Variants in CC2D2A observed in about 807,000 individuals in gnomAD.
The protein encoded by CC2D2A is coiled-coil and C2 domain-containing protein 2A.
Under a neutral mutation model 212.9 loss-of-function variants are expected in CC2D2A, and 155 were observed. The observed-to-expected ratio is 0.73, with a 90% CI of 0.64 to 0.83. The LOEUF (loss-of-function observed/expected upper bound fraction) is 0.83, where lower values mean the gene tolerates loss of function less well. CC2D2A is among the 40% of genes least tolerant of loss of function. CC2D2A has a pLI of 0.00. For synonymous variants in CC2D2A, 667 were observed against 686.5 expected, an observed-to-expected ratio of 0.97 and a Z score of 0.44; for missense variants, 1,856 against 1,956.2, an observed-to-expected ratio of 0.95 and a Z score of 0.97.
At chr4:15,543,865 T>G (rs1718581242) in intron 17 of CC2D2A, 1 of 152,236 alleles carries the variant, frequency 6.6e-6, no homozygotes, top group African/African-American at 2.4e-5. Flanking sequence ...GATGTACAAT[T>G]ATTTGAGCCA....
chr4:15,550,737 C>A (rs1718953326), intron 17 of CC2D2A, 87 bp from the exon 18 acceptor site: 3 of 1,009,768 alleles, frequency 3.0e-6, no homozygotes, highest in Non-Finnish European at 4.2e-6. Context: ...GTGACCAGCA[C>A]AAATACTAAC....
intron 31 of CC2D2A, 40 bp from the exon 32 acceptor site, chr4:15,587,776 C>A: frequency 9.5e-7 from 1 of 1,049,154 alleles, no homozygotes; most frequent in Non-Finnish European, 1.5e-6. Context: ...CAGAATAAAG[C>A]ATTGAGTCAT....
chr4:15,551,701 C>T (rs1414264004), intron 18 of CC2D2A, among the ~76,000 whole-genome samples: 1 of 152,132 alleles, frequency 6.6e-6, no homozygotes, highest in Non-Finnish European at 1.5e-5. Context: ...TTCTTTTATA[C>T]ATTCATTCAT....
At chr4:15,598,244 G>A (rs191041085) in intron 35 of CC2D2A, among the ~76,000 whole-genome samples, 4 of 152,054 alleles carry the variant, frequency 2.6e-5, no homozygotes, top group Admixed American at 1.3e-4. Context: ...CCATACTTTC[G>A]TGCGCAGACC....
Position 15,480,794 on chromosome 4 carries a change from C to T in CC2D2A, c.214C>T (p.Leu72Phe), listed in dbSNP as rs776118002. 1 of 1,613,540 alleles carries T rather than the reference C, an allele frequency of 6.2e-7. No individual in the cohort carries two copies. The highest frequency in any genetic ancestry group is 8.5e-7 in the Non-Finnish European group (1 of 1,179,710). The part of the protein sequence containing the change: ...EPVQEEPKTR[L>F]LSMTVRRGPR... The stretch of plus-strand genomic sequence containing the variant: ...TGTGCAGGAGGAGCCCAAGACCCGC[C>T]TCCTGAGTATGACAGTCCGGAGAGG... Residue 72 changes from leucine (L) to phenylalanine (F), a missense_variant, in exon 4 of 37, where the codon CTC (leucine) becomes TTC (phenylalanine). Coordinates refer to ENST00000424120, the MANE Select transcript of CC2D2A (RefSeq NM_001378615.1).
In CC2D2A at chr4:15,502,911, A is replaced by G; in HGVS notation, c.426A>G (p.Glu142=). The G allele has an allele frequency of 6.2e-7, 1 of 1,608,776 alleles. No individual in the cohort carries two copies. The highest frequency in any genetic ancestry group is 8.5e-7 in the Non-Finnish European group (1 of 1,177,910). Reference sequence around the variant, plus strand: ...CCAGTAAGAAAGAATTGGAGACTGAATTTGGCACAGAGGTGAGAAATACCC... The same window carrying G: ...CCAGTAAGAAAGAATTGGAGACTGAGTTTGGCACAGAGGTGAGAAATACCC... ...RSPSKKELET[E]FGTEPGKEVE... is the part of the protein sequence containing the mutation. Residue 142 remains glutamate, a synonymous_variant, in exon 6 of 37, where the codon GAA becomes GAG. Transcript: ENST00000424120.
At chr4:15,532,823 A>G (rs1169257252) in intron 13 of CC2D2A, among the ~76,000 whole-genome samples, 1 of 152,248 alleles carries the variant, frequency 6.6e-6, no homozygotes. Context: ...ACACAGGAAG[A>G]CTTTACATGT....
At chr4:15,568,811 T>C (rs1302240450) in intron 26 of CC2D2A, among the ~76,000 whole-genome samples, 1 of 152,218 alleles carries the variant, frequency 6.6e-6, no homozygotes, top group African/African-American at 2.4e-5. Context: ...TGTATTGCTT[T>C]ACTTATATAC....
Position 15,559,268 on chromosome 4 carries a change from T to A in CC2D2A, c.2922+11T>A, listed in dbSNP as rs1719445256. The A allele has an allele frequency of 2.5e-5, 38 of 1,521,936 alleles. No individual in the cohort carries two copies. The highest frequency in any genetic ancestry group is 3.3e-5 in the Non-Finnish European group (37 of 1,120,760). 94.3% of individuals were successfully genotyped at this position (1,521,936 alleles called of 1,614,324 possible). On this transcript the variant is annotated intron_variant, in intron 22 of 36. Transcript: ENST00000424120. ...AAGTACCTCCAGCAGGTAAGAAAAA[T>A]CATATAAAACTGTCTTCATAGGGAG...
At position 15,601,497 on chromosome 4, in the gene CC2D2A, A is replaced by G. The variant is rs1299581028; in HGVS notation, c.*72A>G. The G allele has an allele frequency of 1.1e-6, 1 of 882,614 alleles. No individual in the cohort carries two copies. The highest frequency in any genetic ancestry group is 1.7e-6 in the Non-Finnish European group (1 of 603,448). 54.7% of individuals were successfully genotyped at this position (882,614 alleles called of 1,614,324 possible). On this transcript the variant is annotated 3_prime_UTR_variant, in exon 37 of 37. Transcript: ENST00000424120. ...TATGAGAAAATTTTAAATTATATGC[A>G]TCACATCAGAAGAACATATTATTGG...
chr4:15,556,687 C>A (rs1428548355), intron 20 of CC2D2A, among the ~76,000 whole-genome samples: 1 of 152,184 alleles, frequency 6.6e-6, no homozygotes, highest in East Asian at 1.9e-4. Context: ...GAGAGGCAGG[C>A]AGCACCTGGG....
chr4:15,511,447 G>T, intron 8 of CC2D2A, 24 bp downstream of exon 8: 2 of 1,502,714 alleles, frequency 1.3e-6, no homozygotes, highest in South Asian at 1.4e-5. Context: ...GGATGGTAAT[G>T]AGGTGTGGGT....
At chr4:15,535,664 G>A (rs1718089448) in intron 14 of CC2D2A, among the ~76,000 whole-genome samples, 1 of 152,148 alleles carries the variant, frequency 6.6e-6, no homozygotes, top group South Asian at 2.1e-4. Flanking sequence ...GGGTACCACT[G>A]TGCATCCAAA....
At chr4:15,530,029 T>C (rs927410836) in intron 13 of CC2D2A, among the ~76,000 whole-genome samples, 1 of 151,898 alleles carries the variant, frequency 6.6e-6, no homozygotes, top group African/African-American at 2.4e-5. Flanking sequence ...TGGAGTGCAG[T>C]GGTGCGATTT....
intron 4 of CC2D2A, chr4:15,492,585 T>C: frequency 2.5e-6 from 1 of 396,446 alleles, no homozygotes; most frequent in Non-Finnish European, 4.8e-6. Flanking sequence ...CTCCTCCCTC[T>C]TCAGGGGGTC....
Position 15,596,220 on chromosome 4 carries a change from T to A in CC2D2A, c.4437+13T>A. 1 of 1,499,856 alleles carries A rather than the reference T, an allele frequency of 6.7e-7. No homozygotes were observed. Among genetic ancestry groups the A allele is most frequent in the Non-Finnish European group, 8.9e-7 (1 of 1,125,398 alleles). 92.9% of individuals were successfully genotyped at this position (1,499,856 alleles called of 1,614,324 possible). A position where few individuals can be genotyped will look rare whatever the true frequency, so the allele number is the denominator to read the frequency against. On this transcript the variant is annotated intron_variant, in intron 34 of 36. Transcript: ENST00000424120. Reference sequence around the variant, plus strand: ...TTCCAGTGTTCAGGTATAAATCTTTTATTAACAGTTAAATGTAGACAAAGT... The same window carrying A: ...TTCCAGTGTTCAGGTATAAATCTTTAATTAACAGTTAAATGTAGACAAAGT...
chr4:15,514,727 T>C lies in CC2D2A; in HGVS notation c.738T>C (p.Asn246=). The C allele has an allele frequency of 6.3e-7, 1 of 1,594,980 alleles. No individual in the cohort carries two copies. Among genetic ancestry groups the C allele is most frequent in the South Asian group, 1.1e-5 (1 of 88,672 alleles). ...GKEMDEEELL[N]GDDAEDFLLG... is the part of the protein sequence containing the mutation. ...TGCAGGATGAGGAAGAACTGCTTAA[T>C]GGTGATGATGCCGAGGACTTCCTAT... Residue 246 remains asparagine, a synonymous_variant, in exon 9 of 37, where the codon AAT becomes AAC. Coordinates refer to ENST00000424120, the MANE Select transcript of CC2D2A (RefSeq NM_001378615.1).
intron 22 of CC2D2A, among the ~76,000 whole-genome samples, chr4:15,559,646 T>A (rs1422047836): frequency 6.6e-6 from 1 of 152,184 alleles, no homozygotes; most frequent in East Asian, 1.9e-4. Flanking sequence ...AAATTAAAGC[T>A]GAAACATCCT....
rs754966579 is a variant in CC2D2A at position 15,570,429 on chromosome 4, C to T, written c.3527C>T (p.Thr1176Ile). Residue 1176 changes from threonine to isoleucine, a missense_variant, in exon 28 of 37, where the codon ACT becomes ATT. Coordinates refer to ENST00000424120, the MANE Select transcript of CC2D2A (RefSeq NM_001378615.1). ...CGTGAAAGAGGAAGTGGAATCCATA[C>T]TCGTATTGAGAGACACTGGCTGGGA... is the stretch of plus-strand genomic sequence containing the variant. ...DDRERGSGIH[T>I]RIERHWLGCV... 42 of 1,606,630 alleles carry T rather than the reference C, an allele frequency of 2.6e-5. No individual in the cohort carries two copies. The highest frequency in any genetic ancestry group is 3.5e-5 in the Non-Finnish European group (41 of 1,175,382).
Sources: gnomAD v4.1 joint callset for allele counts (sites outside exome capture counted in the v4.1 genomes callset) on GRCh38, gnomAD v4.1.1 for gene constraint, MANE v1.5 for transcripts, NCBI Gene and HGNC (gene_info 2026-07-23, HGNC 2026-07-21) for gene names.